LETM1: variants seen among roughly 807,000 people sequenced by gnomAD.
LETM1 encodes mitochondrial proton/calcium exchanger protein.
Under a neutral mutation model 74.5 loss-of-function variants are expected in LETM1, and 50 were observed. The ratio of observed to expected loss-of-function variants is 0.67; its 90% CI spans 0.53 to 0.85. LETM1 has a LOEUF of 0.85. Among genes scored for constraint, LETM1 ranks in the 40% least tolerant of loss-of-function variants. LETM1 has a pLI of 0.00. For synonymous variants in LETM1, 446 were observed against 407.1 expected, an observed-to-expected ratio of 1.10 and a Z score of -1.15; for missense variants, 824 against 967.8, an observed-to-expected ratio of 0.85 and a Z score of 1.97.
chr4:1,844,180 C>G (rs1229223807), intron 2 of LETM1, among the ~76,000 whole-genome samples: 1 of 152,214 alleles, frequency 6.6e-6, no homozygotes, highest in Admixed American at 6.5e-5. Context: ...TTGGGCACAC[C>G]TGCAGGGGCC....
chr4:1,822,542 C>G, intron 9 of LETM1: 1 of 391,330 alleles, frequency 2.6e-6, no homozygotes. Context: ...CTGGTCTCCC[C>G]AAGACTCCCC....
At chr4:1,823,282 C>A (rs1711856019) in intron 8 of LETM1, 151 bp from the exon 9 acceptor site, 2 of 1,126,974 alleles carry the variant, frequency 1.8e-6, no homozygotes, top group Admixed American at 2.7e-5. Context: ...GTGCTGCCCG[C>A]AATTGCTGGG....
chr4:1,815,385 C>A (rs1711535673), intron 13 of LETM1, among the ~76,000 whole-genome samples: 2 of 152,240 alleles, frequency 1.3e-5, no homozygotes, highest in African/African-American at 4.8e-5. Flanking sequence ...CCCCCCGGCT[C>A]CCCAGTGCCA....
At chr4:1,847,166 T>C (rs1361970032) in intron 2 of LETM1, among the ~76,000 whole-genome samples, 1 of 151,856 alleles carries the variant, frequency 6.6e-6, no homozygotes. Flanking sequence ...AACCTGTCTC[T>C]ACAAAAAATA....
intron 2 of LETM1, 96 bp from the exon 3 acceptor site, chr4:1,841,893 C>T (rs929542405): frequency 2.9e-5 from 25 of 856,390 alleles, no homozygotes; most frequent in South Asian, 2.3e-4. Flanking sequence ...CCACATGCCC[C>T]GTGCCATGCC....
At chr4:1,831,050 T>C (rs1712252162) in intron 6 of LETM1, among the ~76,000 whole-genome samples, 1 of 152,186 alleles carries the variant, frequency 6.6e-6, no homozygotes. Context: ...CTAACGTCTG[T>C]GTTTCCCTTC....
rs767637991 is a variant in LETM1, at chr4:1,816,810, G to A, written c.1848C>T (p.Ile616=). 1.2e-5 allele frequency: 19 copies of A among 1,614,096 alleles called. No individual in the cohort carries two copies. Among genetic ancestry groups the A allele is most frequent in the Admixed American group, 8.3e-5 (5 of 60,010 alleles). The change falls in exon 12 of 14, where the codon ATC becomes ATT. Residue 616 remains isoleucine, a synonymous_variant. Coordinates refer to ENST00000302787, the MANE Select transcript of LETM1 (RefSeq NM_012318.3). Reference sequence around the variant, plus strand: ...GCGAGATCAAGCCATCGATCTGCCCGATCATTTGCTGCACCCTTTTTGTCA... The same window carrying A: ...GCGAGATCAAGCCATCGATCTGCCCAATCATTTGCTGCACCCTTTTTGTCA... ...KRLTKRVQQM[I]GQIDGLISQL... is the part of the protein sequence containing the mutation.
At chr4:1,841,048 A>G (rs1712671419) in intron 3 of LETM1, among the ~76,000 whole-genome samples, 1 of 152,208 alleles carries the variant, frequency 6.6e-6, no homozygotes, top group Admixed American at 6.5e-5. Context: ...CAATCTATAG[A>G]GTGAAAAGAA....
intron 2 of LETM1, among the ~76,000 whole-genome samples, chr4:1,844,273 C>T (rs1055256606): frequency 1.3e-5 from 2 of 152,248 alleles, no homozygotes; most frequent in African/African-American, 4.8e-5. Flanking sequence ...AATAGCCTCA[C>T]ATCAGCTGAG....
chr4:1,834,412 T>C lies in LETM1; in HGVS notation c.876+433A>G. The stretch of plus-strand genomic sequence containing the variant: ...GAAACCTCAAGGGCCGCTCCTCCTC[T>C]CCAGCCCCCACTGCTCCCACAGTCC... On this transcript the variant is annotated intron_variant, in intron 5 of 13. Coordinates refer to ENST00000302787, the MANE Select transcript of LETM1 (RefSeq NM_012318.3). This position sits in a 1 kb window ranked among gnomAD's most constrained non-coding sequence, Gnocchi z 5.0. The C allele has an allele frequency of 1.0e-6, 1 of 996,126 alleles. No homozygotes were observed. The highest frequency in any genetic ancestry group is 4.5e-5 in the South Asian group (1 of 22,296). The allele number at this position is 996,126 out of a possible 1,614,324, so 61.7% of individuals were successfully genotyped here.
At chr4:1,814,668 G>A (rs1711506972) in intron 13 of LETM1, 95 bp from the exon 14 acceptor site, 1 of 1,074,748 alleles carries the variant, frequency 9.3e-7, no homozygotes, top group African/African-American at 1.6e-5. Flanking sequence ...CCCAGCTGGG[G>A]TGGCAGCAGC....
At chr4:1,814,617 C>T in intron 13 of LETM1, 44 bp from the exon 14 acceptor site, 1 of 1,574,728 alleles carries the variant, frequency 6.4e-7, no homozygotes, top group South Asian at 1.1e-5. Flanking sequence ...CTGCGCCCTA[C>T]AGCACAGTGA....
In LETM1 at chr4:1,814,414, G is replaced by C; in HGVS notation, c.*10C>G. On this transcript the variant is annotated 3_prime_UTR_variant, in exon 14 of 14. Transcript: ENST00000302787. ...GCACAGCAGGAGGACAGGTGCCCAGGCCAGTGGTTCTAGCTCTTCACCTCT... is the reference window on the plus strand; with the variant it reads ...GCACAGCAGGAGGACAGGTGCCCAGCCCAGTGGTTCTAGCTCTTCACCTCT... 2 of 1,614,238 alleles carry C rather than the reference G, an allele frequency of 1.2e-6. No individual in the cohort carries two copies. Among genetic ancestry groups the C allele is most frequent in the Non-Finnish European group, 1.7e-6 (2 of 1,180,034 alleles).
chr4:1,855,714 C>A (rs1441495902), intron 1 of LETM1, among the ~76,000 whole-genome samples, 155 bp downstream of exon 1: 1 of 152,076 alleles, frequency 6.6e-6, no homozygotes, highest in Non-Finnish European at 1.5e-5. Context: ...CAGCCCGCGA[C>A]GAGACCCGGG....
intron 4 of LETM1, among the ~76,000 whole-genome samples, chr4:1,835,731 A>G (rs2108848187): frequency 6.6e-6 from 1 of 152,172 alleles, no homozygotes; most frequent in South Asian, 2.1e-4. Flanking sequence ...GAAGGACCTC[A>G]TGACTCCCCT....
At chr4:1,851,915 G>C (rs1713082695) in intron 1 of LETM1, among the ~76,000 whole-genome samples, 1 of 152,186 alleles carries the variant, frequency 6.6e-6, no homozygotes, top group Admixed American at 6.5e-5. Context: ...AACCTGTTCT[G>C]ACGGCTTCTG....
chr4:1,839,302 A>T (rs1712603658), intron 3 of LETM1: 1 of 152,206 alleles, frequency 6.6e-6, no homozygotes, highest in Admixed American at 6.5e-5. Context: ...ACTCACCCAG[A>T]GGGACACGCG....
Position 1,831,190 on chromosome 4 carries a change from T to C in LETM1, c.1080+1554A>G, listed in dbSNP as rs536077983. On this transcript the variant is annotated intron_variant, in intron 6 of 13. Coordinates refer to ENST00000302787, the MANE Select transcript of LETM1 (RefSeq NM_012318.3). Reference sequence around the variant, plus strand: ...GACAGGGGAGCTGTGGGTAACACATTTCTCTCAATGGCATTGACCTCTCCA... The same window carrying C: ...GACAGGGGAGCTGTGGGTAACACATCTCTCTCAATGGCATTGACCTCTCCA... 2.6e-5 allele frequency among the ~76,000 whole-genome samples: 4 copies of C among 152,300 alleles called. No homozygotes were observed. The South Asian group carries it at 6.2e-4, about 24-fold the overall frequency.
intron 13 of LETM1, 79 bp from the exon 14 acceptor site, chr4:1,814,652 A>T: frequency 7.8e-7 from 1 of 1,289,696 alleles, no homozygotes. Flanking sequence ...CAGCGCCGTC[A>T]GTCGCCCCAG....
Sources: gnomAD v4.1 joint callset for allele counts (sites outside exome capture counted in the v4.1 genomes callset) on GRCh38, gnomAD v4.1.1 for gene constraint, Gnocchi (gnomAD v3.1) non-coding constraint, MANE v1.5 for transcripts, NCBI Gene and HGNC (gene_info 2026-07-23, HGNC 2026-07-21) for gene names.